The following RNF121 variants were observed in gnomAD, a reference collection of about 807,000 sequenced individuals.
The protein encoded by RNF121 is E3 ubiquitin ligase RNF121.
A neutral mutation model predicts 46.5 loss-of-function variants in RNF121; 21 were observed. The observed-to-expected ratio is 0.45, with a 90% confidence interval of 0.32 to 0.65. The LOEUF (loss-of-function observed/expected upper bound fraction) is 0.65. Ranked by LOEUF, RNF121 falls within the 30% of genes least tolerant of loss-of-function variation. The pLI, the probability that RNF121 is intolerant of heterozygous loss-of-function variation, is 0.04. For synonymous variants in RNF121, 139 were observed against 144.7 expected, an observed-to-expected ratio of 0.96 and a Z score of 0.28; for missense variants, 346 against 416.0, an observed-to-expected ratio of 0.83 and a Z score of 1.46.
chr11:71,945,617 C>T (rs1364985083), intron 1 of RNF121, among the ~76,000 whole-genome samples: 3 of 152,172 alleles, frequency 2.0e-5, no homozygotes, highest in Non-Finnish European at 4.4e-5. Flanking sequence ...TTATTGAACA[C>T]ATACAGTATA....
chr11:71,988,390 G>A (rs1954807194), intron 5 of RNF121, among the ~76,000 whole-genome samples: 3 of 152,178 alleles, frequency 2.0e-5, no homozygotes, highest in Admixed American at 1.3e-4. Context: ...ACAGTGCACT[G>A]AAGCTAGAGA....
At chr11:71,968,508 A>G (rs1954342147) in intron 3 of RNF121, among the ~76,000 whole-genome samples, 2 of 152,190 alleles carry the variant, frequency 1.3e-5, no homozygotes, top group Admixed American at 6.5e-5. Flanking sequence ...CATAGCTACC[A>G]ATTTTACAAT....
chr11:71,932,852 C>T (rs1488792285), intron 1 of RNF121, among the ~76,000 whole-genome samples: 2 of 152,170 alleles, frequency 1.3e-5, no homozygotes, highest in African/African-American at 2.4e-5. Context: ...TTGGTTTTTC[C>T]ATACAGGTCC....
At chr11:71,977,124 T>C (rs1248038455) in intron 3 of RNF121, among the ~76,000 whole-genome samples, 2 of 152,234 alleles carry the variant, frequency 1.3e-5, no homozygotes, top group African/African-American at 4.8e-5. Flanking sequence ...TTCTATTAGC[T>C]GTGGATCTCT....
At chr11:71,959,835 C>T (rs1422558172) in intron 2 of RNF121, among the ~76,000 whole-genome samples, 1 of 152,070 alleles carries the variant, frequency 6.6e-6, no homozygotes, top group Non-Finnish European at 1.5e-5. Context: ...GGGGTTTCGC[C>T]ATGTTGGCCA....
At chr11:71,991,383 A>ATGTGTC (rs1954860998) in intron 6 of RNF121, among the ~76,000 whole-genome samples, 1 of 152,216 alleles carries the variant, frequency 6.6e-6, no homozygotes, top group South Asian at 2.1e-4. Context: ...ACACATAGCT[A>ATGTGTC]TATGCCAGAA....
At chr11:71,959,381 T>G (rs1954072894) in intron 2 of RNF121, among the ~76,000 whole-genome samples, 7 of 152,214 alleles carry the variant, frequency 4.6e-5, no homozygotes, top group Admixed American at 4.6e-4. Flanking sequence ...TTATATTTGC[T>G]TTATTGTTTA....
intron 1 of RNF121, among the ~76,000 whole-genome samples, chr11:71,929,982 G>A (rs1343308142): frequency 6.6e-6 from 1 of 152,180 alleles, no homozygotes; most frequent in Non-Finnish European, 1.5e-5. Flanking sequence ...CCTTGAAGGT[G>A]AGCTCCTTGA....
At chr11:71,964,336 T>G in intron 3 of RNF121, among the ~76,000 whole-genome samples, 1 of 152,236 alleles carries the variant, frequency 6.6e-6, no homozygotes, top group East Asian at 1.9e-4. Flanking sequence ...GAATTTCAAC[T>G]GATCGTTTTG....
At chr11:71,967,341 T>G (rs549539337) in intron 3 of RNF121, among the ~76,000 whole-genome samples, 65 of 91,822 alleles carry the variant, frequency 7.1e-4, no homozygotes, top group African/African-American at 2.0e-3. Context: ...ATTATGTGGG[T>G]TTTTTTTGTT....
intron 1 of RNF121, among the ~76,000 whole-genome samples, chr11:71,940,654 C>G (rs559845197): frequency 5.9e-5 from 9 of 152,278 alleles, no homozygotes; most frequent in African/African-American, 2.2e-4. Context: ...CTGATATATG[C>G]TAGATACTGT....
chr11:71,981,438 T>A (rs4945391), intron 3 of RNF121, among the ~76,000 whole-genome samples: 140,457 of 151,932 alleles, frequency 0.92, 65,184 homozygotes, highest in Non-Finnish European at 0.98. Context: ...TTGTTTTTTT[T>A]AAAAATATTC....
At chr11:71,995,222 C>T (rs1403286640) in intron 7 of RNF121, 1 of 587,074 alleles carries the variant, frequency 1.7e-6, no homozygotes, top group East Asian at 2.8e-5. Context: ...CCATTCTCTG[C>T]CTATGTTGGG....
chr11:71,986,769 C>CAAAAAAAA (rs11315989), intron 4 of RNF121, among the ~76,000 whole-genome samples: 1 of 71,960 alleles, frequency 1.4e-5, no homozygotes, highest in Non-Finnish European at 2.8e-5. Flanking sequence ...ACTCTCATCT[C>CAAAAAAAA]AAAAAAAAAA....
At chr11:71,988,700 T>G (rs907590951) in intron 5 of RNF121, among the ~76,000 whole-genome samples, 3 of 151,554 alleles carry the variant, frequency 2.0e-5, no homozygotes, top group Non-Finnish European at 4.4e-5. Flanking sequence ...TGTGCACCTG[T>G]ATCCCCAGCT....
chr11:71,984,084 C>T (rs1027624361), intron 4 of RNF121, among the ~76,000 whole-genome samples: 3 of 152,214 alleles, frequency 2.0e-5, no homozygotes, highest in African/African-American at 7.2e-5. Context: ...TATGACCTTA[C>T]CTTTCTGAGC....
chr11:71,944,093 AGGCT>A (rs1417478438), intron 1 of RNF121, among the ~76,000 whole-genome samples: 3 of 152,144 alleles, frequency 2.0e-5, no homozygotes, highest in African/African-American at 7.2e-5. Context: ...GCACTTTGGG[AGGCT>A]GAGGTGGGAG....
At chr11:71,972,973 G>A (rs1272408841) in intron 3 of RNF121, among the ~76,000 whole-genome samples, 1 of 152,070 alleles carries the variant, frequency 6.6e-6, no homozygotes, top group Non-Finnish European at 1.5e-5. Flanking sequence ...GATCACGTGA[G>A]GTCAGGAGTT....
intron 3 of RNF121, among the ~76,000 whole-genome samples, chr11:71,978,461 T>C (rs1212008844): frequency 6.6e-6 from 1 of 152,214 alleles, no homozygotes; most frequent in Admixed American, 6.5e-5. Flanking sequence ...AATTAAACAT[T>C]AATAAGAAAT....
Sources: allele counts gnomAD v4.1 joint callset (sites outside exome capture counted in the v4.1 genomes callset), GRCh38; gene constraint gnomAD v4.1.1; transcripts MANE v1.5; gene names NCBI Gene and HGNC (gene_info 2026-07-23, HGNC 2026-07-21).